SLC10A7: variants seen among roughly 807,000 people sequenced by gnomAD.
The protein encoded by SLC10A7 is solute carrier family 10 member 7.
A neutral mutation model predicts 43.2 loss-of-function variants in SLC10A7; 29 were observed. The observed-to-expected ratio is 0.67, with a 90% CI of 0.50 to 0.92. SLC10A7 has a LOEUF of 0.92. SLC10A7 is among the 40% of genes least tolerant of loss of function. The pLI, the probability that SLC10A7 is intolerant of heterozygous loss-of-function variation, is 0.00. For missense variants in SLC10A7, 295 were observed against 403.2 expected (o/e 0.73, Z 2.30); for synonymous variants, 152 against 144.8 (o/e 1.05, Z -0.35).
chr4:146,462,241 A>G (rs1732605553), intron 4 of SLC10A7, among the ~76,000 whole-genome samples: 1 of 152,108 alleles, frequency 6.6e-6, no homozygotes, highest in South Asian at 2.1e-4. Flanking sequence ...TATATGGGGA[A>G]GAATATAGCA....
chr4:146,320,340 T>C (rs1732617045), intron 6 of SLC10A7, among the ~76,000 whole-genome samples: 1 of 151,900 alleles, frequency 6.6e-6, no homozygotes, highest in Non-Finnish European at 1.5e-5. Flanking sequence ...AACAAAGGAA[T>C]TATAATGATG....
At chr4:146,494,069 C>G (rs899563404) in intron 4 of SLC10A7, among the ~76,000 whole-genome samples, 2 of 152,238 alleles carry the variant, frequency 1.3e-5, no homozygotes, top group African/African-American at 4.8e-5. Flanking sequence ...TGATAAACCT[C>G]TGCAATGATA....
At chr4:146,293,738 A>T (rs1730595428) in intron 8 of SLC10A7, among the ~76,000 whole-genome samples, 192 bp downstream of exon 8, 2 of 152,200 alleles carry the variant, frequency 1.3e-5, no homozygotes, top group African/African-American at 4.8e-5. Context: ...AAAACAAAGG[A>T]AATTACGATA....
chr4:146,465,691 G>A (rs1463177094), intron 4 of SLC10A7, among the ~76,000 whole-genome samples: 2 of 151,986 alleles, frequency 1.3e-5, no homozygotes, highest in African/African-American at 4.8e-5. Flanking sequence ...TACCCCCTTG[G>A]CAAGGAGATT....
At chr4:146,432,624 A>G (rs1579172109) in intron 5 of SLC10A7, among the ~76,000 whole-genome samples, 1 of 152,334 alleles carries the variant, frequency 6.6e-6, no homozygotes, top group East Asian at 1.9e-4. Flanking sequence ...AAAGGGCAAG[A>G]AGAAACTTTC....
chr4:146,256,769 G>T, intron 11 of SLC10A7: 1 of 1,333,758 alleles, frequency 7.5e-7, no homozygotes, highest in Non-Finnish European at 1.0e-6. Context: ...GCACTAGATG[G>T]TAGCCTTGGG....
chr4:146,389,375 G>A (rs1738253149), intron 5 of SLC10A7, among the ~76,000 whole-genome samples: 2 of 151,334 alleles, frequency 1.3e-5, no homozygotes, highest in Non-Finnish European at 2.9e-5. Context: ...TCTGCCATGT[G>A]GAGACACAGG....
intron 10 of SLC10A7, among the ~76,000 whole-genome samples, chr4:146,280,284 T>C (rs577570342): frequency 1.4e-4 from 22 of 152,338 alleles, no homozygotes; most frequent in African/African-American, 4.8e-4. Flanking sequence ...TAATCTGTTA[T>C]ATTTCATCTT....
intron 5 of SLC10A7, among the ~76,000 whole-genome samples, chr4:146,329,688 A>C (rs1253357261): frequency 6.6e-6 from 1 of 152,232 alleles, no homozygotes; most frequent in Non-Finnish European, 1.5e-5. Context: ...TTTTGATAAC[A>C]TAAAACAAAT....
chr4:146,380,019 G>A (rs999823859), intron 5 of SLC10A7, among the ~76,000 whole-genome samples: 1 of 151,802 alleles, frequency 6.6e-6, no homozygotes, highest in Non-Finnish European at 1.5e-5. Flanking sequence ...AAGCAAGCAA[G>A]AGAGCTGAGC....
intron 3 of SLC10A7, among the ~76,000 whole-genome samples, chr4:146,508,018 T>C (rs566614761): frequency 2.6e-5 from 4 of 152,352 alleles, no homozygotes; most frequent in Admixed American, 2.0e-4. Context: ...TATTCGCTTG[T>C]TGAGCATTTT....
chr4:146,393,114 C>G (rs1738559738), intron 5 of SLC10A7, among the ~76,000 whole-genome samples: 1 of 136,808 alleles, frequency 7.3e-6, no homozygotes, highest in Admixed American at 8.6e-5. Context: ...GTCACCTGAG[C>G]ACAGGAGGTA....
chr4:146,330,809 G>C (rs1486362736), intron 5 of SLC10A7, among the ~76,000 whole-genome samples: 2 of 152,086 alleles, frequency 1.3e-5, no homozygotes, highest in African/African-American at 4.8e-5. Context: ...GAATCTCCCA[G>C]AGAGAAGACA....
At chr4:146,305,841 T>A (rs1318977175) in intron 7 of SLC10A7, 85 bp downstream of exon 7, 1 of 1,168,226 alleles carries the variant, frequency 8.6e-7, no homozygotes, top group African/African-American at 1.6e-5. Flanking sequence ...CCTCTGAATA[T>A]CCTTTCTCTC....
chr4:146,273,128 T>A (rs769795896), intron 10 of SLC10A7, among the ~76,000 whole-genome samples: 1 of 152,184 alleles, frequency 6.6e-6, no homozygotes, highest in Non-Finnish European at 1.5e-5. Context: ...AGAGCTGTCA[T>A]TAGGAAGCGC....
At chr4:146,278,686 T>C (rs960063964) in intron 10 of SLC10A7, among the ~76,000 whole-genome samples, 2 of 152,184 alleles carry the variant, frequency 1.3e-5, no homozygotes, top group Non-Finnish European at 2.9e-5. Flanking sequence ...TGTTATTTCA[T>C]AGAGCAGAAA....
At chr4:146,332,722 A>G (rs955058009) in intron 5 of SLC10A7, among the ~76,000 whole-genome samples, 5 of 152,186 alleles carry the variant, frequency 3.3e-5, no homozygotes, top group African/African-American at 1.2e-4. Context: ...ATTTCTTTAT[A>G]GCAATGCAAG....
chr4:146,517,891 G>T (rs76054661), intron 1 of SLC10A7, among the ~76,000 whole-genome samples: 5 of 152,248 alleles, frequency 3.3e-5, no homozygotes, highest in South Asian at 2.1e-4. Context: ...CTGCCCAAGA[G>T]TATTCATTCT....
chr4:146,442,733 C>G (rs753532836), intron 5 of SLC10A7, 50 bp downstream of exon 5: 11 of 1,591,216 alleles, frequency 6.9e-6, no homozygotes, highest in Non-Finnish European at 8.5e-6. Context: ...TTCATATACA[C>G]AATATCACAG....
Sources: gnomAD v4.1 joint callset for allele counts (sites outside exome capture counted in the v4.1 genomes callset) on GRCh38, gnomAD v4.1.1 for gene constraint, MANE v1.5 for transcripts, NCBI Gene and HGNC (gene_info 2026-07-23, HGNC 2026-07-21) for gene names.